EIF2AK4: variants seen among roughly 807,000 people sequenced by gnomAD.
EIF2AK4 encodes eukaryotic translation initiation factor 2 alpha kinase 4, also known as eIF-2-alpha kinase GCN2.
A neutral mutation model predicts 211.1 loss-of-function variants in EIF2AK4; 139 were observed. That is an observed-to-expected ratio of 0.66 (90% confidence interval 0.57 to 0.76). The LOEUF is 0.76. EIF2AK4 is among the 30% of genes least tolerant of loss of function. The probability of loss-of-function intolerance (pLI) is 0.00; values close to 1 mark genes in which losing one functional copy is unlikely to be tolerated. For missense variants in EIF2AK4, 1,664 were observed against 2,043.8 expected, an observed-to-expected ratio of 0.81 and a Z score of 3.58; for synonymous variants, 710 against 751.3, an observed-to-expected ratio of 0.94 and a Z score of 0.90.
intron 9 of EIF2AK4, among the ~76,000 whole-genome samples, chr15:39,969,646 C>T (rs538360893): frequency 5.8e-4 from 88 of 152,268 alleles, no homozygotes; most frequent in South Asian, 1.2e-3. Flanking sequence ...AGGCGTGAGC[C>T]ATAGCGCATG....
rs1205662563 is a variant in EIF2AK4 at position 40,016,383 on chromosome 15, A to G, written c.3760-119A>G. On this transcript the variant is annotated intron_variant, in intron 27 of 38. Transcript: ENST00000263791. ...GTGGCAAAGCCTAAAATAATCTTTG[A>G]CCACAAAGATAATCGTAGCATCCCA... is the stretch of plus-strand genomic sequence containing the variant. 4.0e-6 allele frequency: 5 copies of G among 1,237,326 alleles called. No homozygotes were observed. The East Asian group carries it at 1.2e-4, about 29-fold the overall frequency. The allele number at this position is 1,237,326 out of a possible 1,614,324, so 76.6% of individuals were successfully genotyped here. A position where few individuals can be genotyped will look rare whatever the true frequency, so the allele number is the denominator to read the frequency against.
intron 8 of EIF2AK4, among the ~76,000 whole-genome samples, chr15:39,966,446 A>G (rs1231513409): frequency 1.3e-5 from 2 of 150,800 alleles, no homozygotes; most frequent in Non-Finnish European, 2.9e-5. Context: ...GGCTGCAGTG[A>G]GCTGTGTTCA....
At chr15:39,970,699 T>A (rs1447394294) in intron 9 of EIF2AK4, among the ~76,000 whole-genome samples, 1 of 152,002 alleles carries the variant, frequency 6.6e-6, no homozygotes, top group Admixed American at 6.6e-5. Flanking sequence ...CATAGAAAAA[T>A]CTCTACAATG....
At chr15:40,030,561 T>C (rs2035527922) in intron 35 of EIF2AK4, 105 bp downstream of exon 35, 4 of 1,293,020 alleles carry the variant, frequency 3.1e-6, no homozygotes, top group Admixed American at 2.7e-5. Context: ...TTGGAAATAT[T>C]TTTTCCAAGA....
chr15:40,004,691 A>C (rs1371871249), intron 23 of EIF2AK4, among the ~76,000 whole-genome samples: 1 of 152,202 alleles, frequency 6.6e-6, no homozygotes, highest in East Asian at 1.9e-4. Flanking sequence ...CCTAGGAAAC[A>C]GGGCAAGACT....
At chr15:40,000,324 A>G (rs1216234396) in intron 20 of EIF2AK4, among the ~76,000 whole-genome samples, 2 of 152,196 alleles carry the variant, frequency 1.3e-5, no homozygotes, top group African/African-American at 2.4e-5. Flanking sequence ...TGCTTAATAA[A>G]GTCCATCTAA....
intron 6 of EIF2AK4, among the ~76,000 whole-genome samples, chr15:39,957,386 C>A (rs2034405675): frequency 6.6e-6 from 1 of 152,010 alleles, no homozygotes; most frequent in Non-Finnish European, 1.5e-5. Context: ...GCCTGGGCAA[C>A]AAACTCCTTC....
At chr15:39,951,414 A>G in intron 4 of EIF2AK4, 1 of 294,868 alleles carries the variant, frequency 3.4e-6, no homozygotes, top group Non-Finnish European at 6.6e-6. Flanking sequence ...GATATCTTTC[A>G]GCACAATTGT....
chr15:40,001,404 G>T (rs956450980), intron 21 of EIF2AK4, among the ~76,000 whole-genome samples, 180 bp downstream of exon 21: 1 of 152,098 alleles, frequency 6.6e-6, no homozygotes, highest in African/African-American at 2.4e-5. Flanking sequence ...CATACTTTCA[G>T]TCACCTACTT....
At chr15:39,991,574 C>T (rs559964362) in intron 16 of EIF2AK4, 2 of 152,630 alleles carry the variant, frequency 1.3e-5, no homozygotes, top group East Asian at 1.9e-4. Context: ...GCACCTAGAA[C>T]AGTGCCCAGC....
chr15:39,987,745 G>A (rs551755472), intron 14 of EIF2AK4, among the ~76,000 whole-genome samples: 2 of 152,214 alleles, frequency 1.3e-5, no homozygotes, highest in South Asian at 2.1e-4. Context: ...ATTTTTAAAT[G>A]AGCAATAATA....
At chr15:40,028,290 GTC>G (rs1389565923) in intron 33 of EIF2AK4, among the ~76,000 whole-genome samples, 3 of 151,920 alleles carry the variant, frequency 2.0e-5, no homozygotes, top group Admixed American at 6.6e-5. Flanking sequence ...GCCCAGGCTG[GTC>G]TCCAACTCCT....
intron 37 of EIF2AK4, 60 bp from the exon 38 acceptor site, chr15:40,034,266 A>G: frequency 7.2e-7 from 1 of 1,386,776 alleles, no homozygotes; most frequent in Non-Finnish European, 1.0e-6. Context: ...AGTGACCCAG[A>G]AAAAACCAGC....
At chr15:39,980,045 C>T (rs1008685295) in intron 13 of EIF2AK4, among the ~76,000 whole-genome samples, 2 of 152,170 alleles carry the variant, frequency 1.3e-5, no homozygotes, top group East Asian at 1.9e-4. Flanking sequence ...GCTGGCTAGT[C>T]GCTGATTTGT....
chr15:39,948,167 A>G (rs2034255387), intron 3 of EIF2AK4, among the ~76,000 whole-genome samples: 1 of 152,252 alleles, frequency 6.6e-6, no homozygotes. Context: ...GCTCCCTGAG[A>G]GAAAGGCAGG....
chr15:40,006,331 G>A (rs1471915575), intron 23 of EIF2AK4, among the ~76,000 whole-genome samples: 2 of 151,996 alleles, frequency 1.3e-5, no homozygotes, highest in African/African-American at 2.4e-5. Context: ...AAGAATAGAA[G>A]TACAAATATT....
intron 13 of EIF2AK4, among the ~76,000 whole-genome samples, chr15:39,982,464 A>C (rs200667747): frequency 1.3e-5 from 2 of 152,232 alleles, no homozygotes; most frequent in East Asian, 3.8e-4. Flanking sequence ...CTGTGTAGCA[A>C]CAGACCTGTA....
Position 39,967,440 on chromosome 15 carries a change from T to C in EIF2AK4, c.1114T>C (p.Ser372Pro). Reference sequence around the variant, plus strand: ...AATGAATCTCAAAGAGCAAGACGACTCCATCGTGGTGGACATTTTAGTGGA... The same window carrying C: ...AATGAATCTCAAAGAGCAAGACGACCCCATCGTGGTGGACATTTTAGTGGA... Reference protein sequence around the residue: ...LAMNLKEQDDSIVVDILVEHI... With the variant: ...LAMNLKEQDDPIVVDILVEHI... Residue 372 changes from serine (S) to proline (P), a missense_variant, in exon 9 of 39, where the codon TCC becomes CCC. By Grantham distance (74) the Ser-to-Pro change is moderately conservative. Coordinates refer to ENST00000263791, the MANE Select transcript of EIF2AK4 (RefSeq NM_001013703.4). 1 of 1,613,936 alleles carries C rather than the reference T, an allele frequency of 6.2e-7. No individual in the cohort carries two copies. The highest frequency in any genetic ancestry group is 8.5e-7 in the Non-Finnish European group (1 of 1,179,992).
In EIF2AK4 at chr15:40,008,068, G is replaced by A. The variant is rs777532855; in HGVS notation, c.3449G>A (p.Arg1150Gln). The part of the protein sequence containing the change: ...ERVFRPRKLD[R>Q]FHPKELLECA... The stretch of plus-strand genomic sequence containing the variant: ...GTGTTCAGGCCGCGCAAGTTAGATC[G>A]ATTTCATCCCAAAGAACTTCTGGAG... The change falls in exon 25 of 39, where the codon CGA becomes CAA. Residue 1150 changes from arginine (R) to glutamine (Q), a missense_variant. This residue lies in a region of EIF2AK4 where 622 missense variants were observed against 796.8 expected (regional missense o/e 0.78). Coordinates refer to ENST00000263791, the MANE Select transcript of EIF2AK4 (RefSeq NM_001013703.4). 1.9e-6 allele frequency: 3 copies of A among 1,610,150 alleles called. No homozygotes were observed. Among genetic ancestry groups the A allele is most frequent in the East Asian group, 2.2e-5 (1 of 44,666 alleles).
Sources: allele counts gnomAD v4.1 joint callset (sites outside exome capture counted in the v4.1 genomes callset), GRCh38; gene constraint gnomAD v4.1.1; regional missense constraint gnomAD v4.1.1; transcripts MANE v1.5; gene names NCBI Gene and HGNC (gene_info 2026-07-23, HGNC 2026-07-21).